The following LRP1B variants were observed in gnomAD, a reference collection of about 807,000 sequenced individuals.
LRP1B encodes the protein low-density lipoprotein receptor-related protein 1B.
In LRP1B, 217 loss-of-function variants were observed where a neutral mutation model predicts 556.6. The ratio of observed to expected loss-of-function variants is 0.39; its 90% CI spans 0.35 to 0.44. The LOEUF (loss-of-function observed/expected upper bound fraction) is 0.44, where lower values mean the gene tolerates loss of function less well. Ranked by LOEUF, LRP1B falls within the 20% of genes least tolerant of loss-of-function variation. The pLI is 1.00. For synonymous variants in LRP1B, 2,047 were observed against 1,865.8 expected (o/e 1.10, Z -2.50); for missense variants, 5,053 against 5,620.8 (o/e 0.90, Z 3.23).
At chr2:140,834,544 C>G (rs541492603) in intron 31 of LRP1B, among the ~76,000 whole-genome samples, 1 of 152,208 alleles carries the variant, frequency 6.6e-6, no homozygotes, top group African/African-American at 2.4e-5. Context: ...GGCCATAAAT[C>G]TAAATTACAA....
intron 1 of LRP1B, among the ~76,000 whole-genome samples, chr2:141,898,284 C>T (rs2104928425): frequency 6.6e-6 from 1 of 152,206 alleles, no homozygotes. Flanking sequence ...GCCTCAGGCA[C>T]TATTCCTCCT....
intron 7 of LRP1B, among the ~76,000 whole-genome samples, chr2:141,131,890 A>T (rs1175964188): frequency 1.3e-5 from 2 of 151,710 alleles, no homozygotes; most frequent in East Asian, 3.9e-4. Context: ...TGGTTACATG[A>T]GTAAGTTCTT....
At chr2:140,614,606 T>C (rs1276419476) in intron 41 of LRP1B, among the ~76,000 whole-genome samples, 3 of 152,138 alleles carry the variant, frequency 2.0e-5, no homozygotes, top group East Asian at 3.9e-4. Flanking sequence ...GACTTTTTAA[T>C]GTTATGTGGC....
chr2:141,801,314 G>T (rs1695998512), intron 2 of LRP1B, among the ~76,000 whole-genome samples: 1 of 152,052 alleles, frequency 6.6e-6, no homozygotes, highest in African/African-American at 2.4e-5. Flanking sequence ...TTAGAGACAA[G>T]ATCTTGCTCT....
chr2:141,768,170 ATAAT>A (rs1694789011), intron 2 of LRP1B, among the ~76,000 whole-genome samples: 1 of 152,174 alleles, frequency 6.6e-6, no homozygotes, highest in Non-Finnish European at 1.5e-5. Context: ...AACTTCCTAC[ATAAT>A]GAAGAATATT....
At chr2:140,388,876 C>G (rs1467176286) in intron 66 of LRP1B, among the ~76,000 whole-genome samples, 1 of 152,146 alleles carries the variant, frequency 6.6e-6, no homozygotes, top group African/African-American at 2.4e-5. Context: ...ATCAGACTCT[C>G]TGGGGTGGGA....
intron 1 of LRP1B, among the ~76,000 whole-genome samples, chr2:141,963,322 T>C (rs185653207): frequency 5.2e-4 from 79 of 152,024 alleles, no homozygotes; most frequent in Non-Finnish European, 8.2e-4. Flanking sequence ...GTTTTAATAT[T>C]GCCTGAGAAT....
At chr2:141,280,906 T>C (rs1685485882) in intron 3 of LRP1B, among the ~76,000 whole-genome samples, 1 of 151,994 alleles carries the variant, frequency 6.6e-6, no homozygotes, top group South Asian at 2.1e-4. Context: ...TATTCAGGCC[T>C]TAAAATGACA....
intron 22 of LRP1B, among the ~76,000 whole-genome samples, chr2:140,905,932 T>C (rs910212115): frequency 6.6e-6 from 1 of 152,194 alleles, no homozygotes; most frequent in African/African-American, 2.4e-5. Context: ...CCGTTTCTTT[T>C]GAAATTATTT....
intron 86 of LRP1B, among the ~76,000 whole-genome samples, chr2:140,260,543 A>AT (rs1251760215): frequency 6.6e-6 from 1 of 151,776 alleles, no homozygotes; most frequent in Non-Finnish European, 1.5e-5. Flanking sequence ...ATGCGTGCAT[A>AT]TATACCTTTT....
intron 2 of LRP1B, among the ~76,000 whole-genome samples, chr2:141,742,231 C>T (rs1271704846): frequency 5.4e-5 from 8 of 147,482 alleles, no homozygotes; most frequent in African/African-American, 2.0e-4. Context: ...AATGTGATTC[C>T]TCCAGTTTTT....
At chr2:141,443,923 G>T (rs1375604620) in intron 3 of LRP1B, among the ~76,000 whole-genome samples, 1 of 151,938 alleles carries the variant, frequency 6.6e-6, no homozygotes, top group Non-Finnish European at 1.5e-5. Flanking sequence ...CTCTTTTTTG[G>T]TTCCCTATAA....
chr2:140,910,397 A>G (rs566051480), intron 21 of LRP1B, among the ~76,000 whole-genome samples: 1 of 151,934 alleles, frequency 6.6e-6, no homozygotes, highest in Admixed American at 6.6e-5. Context: ...ATGCTATAAT[A>G]TATTCCAGAC....
At chr2:140,386,977 C>G (rs956114577) in intron 66 of LRP1B, among the ~76,000 whole-genome samples, 6 of 152,148 alleles carry the variant, frequency 3.9e-5, no homozygotes, top group African/African-American at 1.4e-4. Context: ...TTCTGATGAG[C>G]TGGCTGGCAA....
At chr2:141,536,603 T>A (rs975963679) in intron 2 of LRP1B, among the ~76,000 whole-genome samples, 1 of 151,998 alleles carries the variant, frequency 6.6e-6, no homozygotes, top group Non-Finnish European at 1.5e-5. Context: ...AGTTTCACAT[T>A]CAATAATGCC....
chr2:141,943,024 G>C (rs1700857509), intron 1 of LRP1B, among the ~76,000 whole-genome samples: 1 of 152,174 alleles, frequency 6.6e-6, no homozygotes, highest in African/African-American at 2.4e-5. Flanking sequence ...ATTAGATCTA[G>C]AAACTAATGA....
At chr2:140,888,066 A>C (rs148390283) in intron 23 of LRP1B, among the ~76,000 whole-genome samples, 6 of 152,266 alleles carry the variant, frequency 3.9e-5, no homozygotes, top group African/African-American at 1.4e-4. Flanking sequence ...TGTGGTAATG[A>C]CTGTAAGAAC....
At chr2:141,181,776 C>T (rs1681007969) in intron 7 of LRP1B, among the ~76,000 whole-genome samples, 2 of 151,856 alleles carry the variant, frequency 1.3e-5, no homozygotes, top group South Asian at 4.1e-4. Flanking sequence ...CTAAAAGAGA[C>T]ACTAACCAAA....
At chr2:141,196,163 A>C (rs1323634324) in intron 6 of LRP1B, among the ~76,000 whole-genome samples, 1 of 152,032 alleles carries the variant, frequency 6.6e-6, no homozygotes, top group Non-Finnish European at 1.5e-5. Flanking sequence ...TTTTATTTCT[A>C]TCATACAGTA....
Sources: allele counts gnomAD v4.1 joint callset (sites outside exome capture counted in the v4.1 genomes callset), GRCh38; gene constraint gnomAD v4.1.1; transcripts MANE v1.5; gene names NCBI Gene and HGNC (gene_info 2026-07-23, HGNC 2026-07-21).